The following COL23A1 variants were observed in gnomAD, a reference collection of about 807,000 sequenced individuals.
COL23A1 encodes collagen alpha-1(XXIII) chain.
A neutral mutation model predicts 99.3 loss-of-function variants in COL23A1; 97 were observed. The ratio of observed to expected loss-of-function variants is 0.98; its 90% CI spans 0.83 to 1.16. The LOEUF is 1.16. Ranked by LOEUF, COL23A1 falls within the 50% of genes most tolerant of loss-of-function variation. The pLI is 0.00. For synonymous variants in COL23A1, 320 were observed against 308.2 expected (o/e 1.04, Z -0.40); for missense variants, 762 against 757.4 (o/e 1.01, Z -0.07).
intron 2 of COL23A1, among the ~76,000 whole-genome samples, chr5:178,526,003 A>C (rs1462274795): frequency 6.6e-6 from 1 of 152,228 alleles, no homozygotes; most frequent in African/African-American, 2.4e-5. Context: ...TAACAGCTTG[A>C]GGTAGTCAGC....
At chr5:178,357,758 G>C (rs1213290642) in intron 2 of COL23A1, among the ~76,000 whole-genome samples, 3 of 145,174 alleles carry the variant, frequency 2.1e-5, no homozygotes, top group Non-Finnish European at 3.0e-5. Context: ...ATGTGTGTGT[G>C]TACGTGTATG....
At chr5:178,526,408 T>C (rs1760312699) in intron 2 of COL23A1, among the ~76,000 whole-genome samples, 1 of 152,164 alleles carries the variant, frequency 6.6e-6, no homozygotes, top group South Asian at 2.1e-4. Flanking sequence ...GGGACTCTGC[T>C]GGCATGCTGA....
chr5:178,496,167 A>C (rs1758189289), intron 2 of COL23A1, among the ~76,000 whole-genome samples: 2 of 152,196 alleles, frequency 1.3e-5, no homozygotes, highest in Admixed American at 1.3e-4. Flanking sequence ...TGAGGGATTA[A>C]AATACCGACC....
intron 14 of COL23A1, 58 bp from the exon 15 acceptor site, chr5:178,256,455 C>A: frequency 1.3e-6 from 2 of 1,514,852 alleles, no homozygotes; most frequent in East Asian, 2.3e-5. Flanking sequence ...ACACACCTCC[C>A]ACGACCCTGC....
chr5:178,272,377 C>T (rs1043681985), intron 5 of COL23A1, among the ~76,000 whole-genome samples: 1 of 152,262 alleles, frequency 6.6e-6, no homozygotes, highest in South Asian at 2.1e-4. Flanking sequence ...ACGTGGGGCT[C>T]GCGGCCAGGG....
At chr5:178,498,209 T>C (rs1298311957) in intron 2 of COL23A1, among the ~76,000 whole-genome samples, 13 of 14,496 alleles carry the variant, frequency 9.0e-4, no homozygotes, top group Admixed American at 3.5e-3. Context: ...TATTTAAATA[T>C]ATATATATAT....
rs753092512 is a variant in COL23A1 at position 178,249,168 on chromosome 5, C to A, written c.1098G>T (p.Gly366=). Residue 366 remains glycine, a synonymous_variant, in exon 19 of 29, where the codon GGG becomes GGT. Transcript: ENST00000390654. The part of the protein sequence containing the change: ...KGQKGDPGEP[G]PAGLKGEAGE... ...CTGCTTCCCCTTTGAGTCCTGCTGG[C>A]CCAGGCTCTCCTGGGTCTCCTTTCT... 6 of 1,614,068 alleles carry A rather than the reference C, an allele frequency of 3.7e-6. No individual in the cohort carries two copies.
chr5:178,484,821 C>CAAAAAAAA (rs397746374), intron 2 of COL23A1, among the ~76,000 whole-genome samples: 1 of 90,436 alleles, frequency 1.1e-5, no homozygotes, highest in East Asian at 3.1e-4. Flanking sequence ...GACTCTGTCT[C>CAAAAAAAA]AAAAAAAAAA....
chr5:178,359,492 C>A (rs1762062474), intron 2 of COL23A1, among the ~76,000 whole-genome samples: 1 of 152,178 alleles, frequency 6.6e-6, no homozygotes, highest in South Asian at 2.1e-4. Flanking sequence ...CACACCACTG[C>A]ACTCTAGCCT....
At position 178,553,968 on chromosome 5, in the gene COL23A1, A is replaced by T. The variant is rs529776688; in HGVS notation, c.361+6714T>A. Among the ~76,000 whole-genome samples, 7 of 152,170 alleles carry T rather than the reference A, an allele frequency of 4.6e-5. No homozygotes were observed. In the East Asian group the frequency reaches 7.7e-4, roughly 17 times the overall value. On this transcript the variant is annotated intron_variant, in intron 2 of 28. Coordinates refer to ENST00000390654, the MANE Select transcript of COL23A1 (RefSeq NM_173465.4). ...CGTTCTAAGCTGTCTGCACATGTGA[A>T]CCCATTTGATCCTCAAAACCATCCC...
chr5:178,561,909 T>C, intron 1 of COL23A1: 1 of 326,452 alleles, frequency 3.1e-6, no homozygotes. Context: ...CCAGGGCACC[T>C]CCAGCCACCG....
intron 13 of COL23A1, 41 bp downstream of exon 13, chr5:178,257,482 G>A (rs1765369630): frequency 1.9e-6 from 3 of 1,556,332 alleles, no homozygotes; most frequent in Non-Finnish European, 2.6e-6. Flanking sequence ...AACCATGGGA[G>A]GTGGGGGCAG....
At chr5:178,583,045 C>T (rs770552778) in intron 1 of COL23A1, among the ~76,000 whole-genome samples, 11 of 152,260 alleles carry the variant, frequency 7.2e-5, no homozygotes, top group Non-Finnish European at 1.2e-4. Flanking sequence ...TGACATTTCT[C>T]CCCCTGTAAA....
chr5:178,381,681 G>A (rs573904958), intron 2 of COL23A1, among the ~76,000 whole-genome samples: 11 of 152,264 alleles, frequency 7.2e-5, no homozygotes, highest in Non-Finnish European at 1.5e-4. Context: ...TGTCGCCTAC[G>A]CTGGAGTGCA....
At chr5:178,382,861 T>TC (rs1298621864) in intron 2 of COL23A1, among the ~76,000 whole-genome samples, 10 of 152,178 alleles carry the variant, frequency 6.6e-5, no homozygotes, top group Middle Eastern at 6.8e-3. Flanking sequence ...AAGCCGTGAC[T>TC]CGGGGAGGCC....
intron 2 of COL23A1, among the ~76,000 whole-genome samples, chr5:178,349,720 G>A (rs574364608): frequency 6.6e-6 from 1 of 152,296 alleles, no homozygotes; most frequent in Non-Finnish European, 1.5e-5. Context: ...ATGAATGATG[G>A]ACCAAGTCCT....
chr5:178,511,362 A>T (rs1355245722), intron 2 of COL23A1, among the ~76,000 whole-genome samples: 1 of 152,204 alleles, frequency 6.6e-6, no homozygotes, highest in Non-Finnish European at 1.5e-5. Context: ...AGGTCAAAGG[A>T]GGTCTCCAGG....
chr5:178,355,343 G>GT (rs1761578499), intron 2 of COL23A1, among the ~76,000 whole-genome samples: 1 of 152,164 alleles, frequency 6.6e-6, no homozygotes, highest in African/African-American at 2.4e-5. Flanking sequence ...CCAGATTTGG[G>GT]TATCTGCAGG....
At chr5:178,373,151 C>T (rs761746892) in intron 2 of COL23A1, among the ~76,000 whole-genome samples, 3 of 152,166 alleles carry the variant, frequency 2.0e-5, no homozygotes, top group East Asian at 1.9e-4. Context: ...TAACAAGACC[C>T]CAAAACACTG....
Sources: allele counts gnomAD v4.1 joint callset (sites outside exome capture counted in the v4.1 genomes callset), GRCh38; gene constraint gnomAD v4.1.1; transcripts MANE v1.5; gene names NCBI Gene and HGNC (gene_info 2026-07-23, HGNC 2026-07-21).